GSN: variants seen among roughly 807,000 people sequenced by gnomAD.
GSN encodes actin-depolymerizing factor.
Under a neutral mutation model 85.7 loss-of-function variants are expected in GSN, and 56 were observed. The observed-to-expected ratio is 0.65, with a 90% CI of 0.53 to 0.82. GSN has a LOEUF of 0.82. Ranked by LOEUF, GSN falls within the 40% of genes least tolerant of loss-of-function variation. The probability of loss-of-function intolerance (pLI) is 0.00; values close to 1 mark genes in which losing one functional copy is unlikely to be tolerated. For missense variants in GSN, 857 were observed against 979.8 expected, an observed-to-expected ratio of 0.87 and a Z score of 1.67; for synonymous variants, 373 against 399.1, an observed-to-expected ratio of 0.93 and a Z score of 0.78.
intron 7 of GSN, among the ~76,000 whole-genome samples, chr9:121,316,564 G>T (rs1297200593): frequency 6.6e-6 from 1 of 152,062 alleles, no homozygotes; most frequent in Admixed American, 6.5e-5. Flanking sequence ...CCGACATCCT[G>T]GGCTCAAGTG....
At chr9:121,208,868 T>G (rs1384879932) in intron 1 of GSN, among the ~76,000 whole-genome samples, 1 of 152,158 alleles carries the variant, frequency 6.6e-6, no homozygotes, top group Non-Finnish European at 1.5e-5. Flanking sequence ...ACCTTGAAGG[T>G]CCAGGGAGGC....
rs774827531 is a variant in GSN at position 121,317,234 on chromosome 9, A to T, written c.886+16A>T. 1 of 1,613,632 alleles carries T rather than the reference A, an allele frequency of 6.2e-7. No homozygotes were observed. The highest frequency in any genetic ancestry group is 8.5e-7 in the Non-Finnish European group (1 of 1,179,824). Reference sequence around the variant, plus strand: ...GTCTGGAAAGGTACTGGAGACAGGGAAAGGGTCCCAACTGGCCTGTAGGAT... The same window carrying T: ...GTCTGGAAAGGTACTGGAGACAGGGTAAGGGTCCCAACTGGCCTGTAGGAT... On this transcript the variant is annotated intron_variant, in intron 8 of 17. Transcript: ENST00000432226.
intron 12 of GSN, among the ~76,000 whole-genome samples, chr9:121,326,150 G>T (rs1399205639): frequency 6.6e-6 from 1 of 150,436 alleles, no homozygotes; most frequent in Non-Finnish European, 1.5e-5. Flanking sequence ...CAGCAGTCAT[G>T]CCCAGGCCTG....
chr9:121,304,839 T>TC (rs2060238468), intron 4 of GSN, among the ~76,000 whole-genome samples: 1 of 152,152 alleles, frequency 6.6e-6, no homozygotes, highest in African/African-American at 2.4e-5. Flanking sequence ...TGATGGGTGC[T>TC]GGGGTGCCCA....
chr9:121,273,045 G>A (rs1209450152), intron 1 of GSN, among the ~76,000 whole-genome samples: 1 of 152,146 alleles, frequency 6.6e-6, no homozygotes, highest in Admixed American at 6.5e-5. Flanking sequence ...TGCATTCAGT[G>A]CCTGGGTTAA....
rs1303875305 is a variant in GSN, at chr9:121,268,918, T to G, written c.-103+699T>G. 2.0e-5 allele frequency among the ~76,000 whole-genome samples: 3 copies of G among 152,274 alleles called. No homozygotes were observed. The East Asian group carries it at 5.8e-4, about 29-fold the overall frequency. The stretch of plus-strand genomic sequence containing the variant: ...TAACAGCAACTTCCCTCTGGTCCAG[T>G]GCAGGCTGGCTGGTCTGGGCAGTGC... On this transcript the variant is annotated intron_variant, in intron 1 of 17. Transcript: ENST00000432226.
intron 7 of GSN, among the ~76,000 whole-genome samples, chr9:121,316,488 T>G (rs1405912671): frequency 6.6e-6 from 1 of 152,216 alleles, no homozygotes; most frequent in East Asian, 1.9e-4. Context: ...TATTTATTTT[T>G]GAGACAGAGT....
At chr9:121,212,900 C>T (rs1475099200) in intron 4 of GSN, among the ~76,000 whole-genome samples, 2 of 152,112 alleles carry the variant, frequency 1.3e-5, no homozygotes, top group African/African-American at 2.4e-5. Context: ...CCACCCACCT[C>T]GGCCTCCCAA....
chr9:121,295,923 G>A (rs1002448661), intron 2 of GSN, among the ~76,000 whole-genome samples: 2 of 152,378 alleles, frequency 1.3e-5, no homozygotes, highest in Non-Finnish European at 1.5e-5. Context: ...CCAGACCTGA[G>A]TGCCATGTGG....
intron 2 of GSN, among the ~76,000 whole-genome samples, chr9:121,289,878 G>A (rs2058521240): frequency 6.6e-6 from 1 of 152,190 alleles, no homozygotes; most frequent in African/African-American, 2.4e-5. Context: ...ACTTCTTTCT[G>A]TCTGCACCGA....
chr9:121,294,871 A>T (rs1026748643), intron 2 of GSN, among the ~76,000 whole-genome samples: 1 of 152,180 alleles, frequency 6.6e-6, no homozygotes, highest in Non-Finnish European at 1.5e-5. Flanking sequence ...CACTGCTGCT[A>T]ATAAGTCCTG....
intron 6 of GSN, among the ~76,000 whole-genome samples, chr9:121,255,320 T>A (rs1357474601): frequency 1.3e-5 from 2 of 152,164 alleles, no homozygotes; most frequent in African/African-American, 4.8e-5. Flanking sequence ...AGTCACTGCA[T>A]CCTCAACTTC....
intron 4 of GSN, among the ~76,000 whole-genome samples, chr9:121,214,316 C>T (rs1225709211): frequency 6.6e-6 from 1 of 151,460 alleles, no homozygotes; most frequent in Non-Finnish European, 1.5e-5. Context: ...TCTTCCTCTT[C>T]TTCCTTTTCT....
chr9:121,202,837 T>G (rs1038794088), upstream of GSN, among the ~76,000 whole-genome samples: 4 of 152,238 alleles, frequency 2.6e-5, no homozygotes, highest in Admixed American at 6.5e-5. Context: ...TTTAAAAGAA[T>G]GTAAGCCGGC....
intron 2 of GSN, among the ~76,000 whole-genome samples, chr9:121,287,460 C>A (rs2132773142): frequency 6.6e-6 from 1 of 152,170 alleles, no homozygotes; most frequent in East Asian, 1.9e-4. Context: ...CCTACAGACT[C>A]AGAGGCTAGG....
intron 4 of GSN, 104 bp downstream of exon 4, chr9:121,303,169 C>G (rs763868927): frequency 2.0e-5 from 22 of 1,090,794 alleles, no homozygotes; most frequent in Non-Finnish European, 2.9e-5. Context: ...GTGGGCAGAC[C>G]GATCAGAGGT....
chr9:121,280,004 C>A (rs1352501633), intron 1 of GSN: 5 of 152,230 alleles, frequency 3.3e-5, no homozygotes, highest in African/African-American at 1.2e-4. Context: ...GTGGCTGTGT[C>A]CCGTGTCAGT....
chr9:121,316,018 A>G (rs531876686), intron 7 of GSN, among the ~76,000 whole-genome samples: 30 of 152,328 alleles, frequency 2.0e-4, no homozygotes, highest in African/African-American at 7.0e-4. Context: ...TAAGTACTCA[A>G]TTCATGTAGA....
upstream of GSN, among the ~76,000 whole-genome samples, chr9:121,266,205 ATC>A (rs1356271753): frequency 6.6e-6 from 1 of 152,116 alleles, no homozygotes; most frequent in African/African-American, 2.4e-5. Flanking sequence ...CAGTTTCTCC[ATC>A]TCTAAAGGGA....
Sources: allele counts gnomAD v4.1 joint callset (sites outside exome capture counted in the v4.1 genomes callset), GRCh38; gene constraint gnomAD v4.1.1; transcripts MANE v1.5; gene names NCBI Gene and HGNC (gene_info 2026-07-23, HGNC 2026-07-21).